The following SLC20A1 variants were observed in gnomAD, a reference collection of about 807,000 sequenced individuals.
The protein encoded by SLC20A1 is sodium-dependent phosphate transporter 1.
Under a neutral mutation model 62.7 loss-of-function variants are expected in SLC20A1, and 28 were observed. That is an observed-to-expected ratio of 0.45 (90% CI 0.33 to 0.61). The LOEUF is 0.61. Ranked by LOEUF, SLC20A1 falls within the 20% of genes least tolerant of loss-of-function variation. The pLI is 0.02. For synonymous variants in SLC20A1, 305 were observed against 302.9 expected (o/e 1.01, Z -0.07); for missense variants, 673 against 838.6 (o/e 0.80, Z 2.44).
rs774263051 is a variant in SLC20A1, at chr2:112,658,807, C to T, written c.779-18C>T. On this transcript the variant is annotated intron_variant, in intron 6 of 10. Transcript: ENST00000272542. ...TGGCCACAACCAAACCAAAAAAGACCCCCCTTTTTTTTCCTAGGAGAAATA... is the reference window on the plus strand; with the variant it reads ...TGGCCACAACCAAACCAAAAAAGACTCCCCTTTTTTTTCCTAGGAGAAATA... The T allele has an allele frequency of 1.9e-6, 3 of 1,580,142 alleles. No homozygotes were observed. The highest frequency in any genetic ancestry group is 2.6e-6 in the Non-Finnish European group (3 of 1,164,782).
At chr2:112,652,623 C>A in intron 4 of SLC20A1, 79 bp from the exon 5 acceptor site, 1 of 1,162,968 alleles carries the variant, frequency 8.6e-7, no homozygotes, top group Non-Finnish European at 1.3e-6. Flanking sequence ...AATTCCCAAA[C>A]CTACCCTGTT....
At position 112,663,757 on chromosome 2, in the gene SLC20A1, G is replaced by A. The variant is rs6793; in HGVS notation, c.*732G>A. Reference sequence around the variant, plus strand: ...GGAATGTGAACTTTGGGCAAGTTAAGTGGGACAGCCTTCCATGTTCATTTG... The same window carrying A: ...GGAATGTGAACTTTGGGCAAGTTAAATGGGACAGCCTTCCATGTTCATTTG... On this transcript the variant is annotated 3_prime_UTR_variant, in exon 11 of 11. Transcript: ENST00000272542. 0.79 allele frequency: 121,001 copies of A among 152,892 alleles called. 48,629 individuals carry two copies. The highest frequency in any genetic ancestry group is 1 in the East Asian group (5,183 of 5,194). 9.5% of individuals were successfully genotyped at this position (152,892 alleles called of 1,614,324 possible).
At chr2:112,653,096 G>C in intron 5 of SLC20A1, 1 of 511,384 alleles carries the variant, frequency 2.0e-6, no homozygotes, top group Non-Finnish European at 3.5e-6. Context: ...AAAAATGCTG[G>C]AATTAATACT....
intron 6 of SLC20A1, among the ~76,000 whole-genome samples, chr2:112,657,856 C>T (rs948623356): frequency 6.4e-4 from 98 of 152,324 alleles, no homozygotes; most frequent in African/African-American, 2.2e-3. Flanking sequence ...TCATTTAGGC[C>T]ATTACCACAC....
Position 112,647,702 on chromosome 2 carries a change from T to C in SLC20A1, c.525T>C (p.Ile175=). The change falls in exon 4 of 11, where the codon ATT becomes ATC. Residue 175 remains isoleucine (I), a synonymous_variant. Coordinates refer to ENST00000272542, the MANE Select transcript of SLC20A1 (RefSeq NM_005415.5). ...TGCTTTCTGGAATTATGTCTGGAAT[T>C]TTATTCTTCCTGGTTCGTGCATTCA... ...SPLLSGIMSG[I]LFFLVRAFIL... 6.2e-7 allele frequency: 1 copy of C among 1,614,176 alleles called. No homozygotes were observed. The highest frequency in any genetic ancestry group is 1.1e-5 in the South Asian group (1 of 91,086).
chr2:112,662,789 C>A, intron 10 of SLC20A1, 75 bp from the exon 11 acceptor site: 1 of 1,483,792 alleles, frequency 6.7e-7, no homozygotes, highest in South Asian at 1.2e-5. Flanking sequence ...CTTGTCCAAA[C>A]AGTCTCAGGT....
chr2:112,651,250 A>G (rs1481052384), intron 4 of SLC20A1, among the ~76,000 whole-genome samples: 1 of 152,050 alleles, frequency 6.6e-6, no homozygotes, highest in East Asian at 1.9e-4. Context: ...TTTCCAGTGT[A>G]TTGATTATTG....
At chr2:112,662,548 C>G (rs1686780335) in intron 10 of SLC20A1, among the ~76,000 whole-genome samples, 2 of 152,172 alleles carry the variant, frequency 1.3e-5, no homozygotes, top group South Asian at 4.1e-4. Flanking sequence ...CCACTGTACT[C>G]CAGCCTGGGC....
chr2:112,646,784 A>G lies in SLC20A1; in HGVS notation c.-45A>G. The G allele has an allele frequency of 7.3e-7, 1 of 1,373,712 alleles. No homozygotes were observed. Among genetic ancestry groups the G allele is most frequent in the Non-Finnish European group, 1.0e-6 (1 of 984,406 alleles). The allele number at this position is 1,373,712 out of a possible 1,614,324, so 85.1% of individuals were successfully genotyped here. A position where few individuals can be genotyped will look rare whatever the true frequency, so the allele number is the denominator to read the frequency against. ...CTCATATTCTGTTTACACATCTTGA[A>G]AGGCGCTCAGTAGTTCTCTTACTAA... On this transcript the variant is annotated 5_prime_UTR_variant, in exon 2 of 11. Coordinates refer to ENST00000272542, the MANE Select transcript of SLC20A1 (RefSeq NM_005415.5).
chr2:112,663,187 A>C lies in SLC20A1; in HGVS notation c.*162A>C. The C allele has an allele frequency of 1.2e-6, 1 of 853,412 alleles. No homozygotes were observed. The highest frequency in any genetic ancestry group is 2.0e-6 in the Non-Finnish European group (1 of 506,484). 52.9% of individuals were successfully genotyped at this position (853,412 alleles called of 1,614,324 possible). A position where few individuals can be genotyped will look rare whatever the true frequency, so the allele number is the denominator to read the frequency against. On this transcript the variant is annotated 3_prime_UTR_variant, in exon 11 of 11. Coordinates refer to ENST00000272542, the MANE Select transcript of SLC20A1 (RefSeq NM_005415.5). ...TTGTGCTATAACTGCTTTTGTGCTA[A>C]ATATGAATTGTCTCAAAATTAGCTG...
At position 112,659,238 on chromosome 2, in the gene SLC20A1, G is replaced by A. The variant is rs773597179; in HGVS notation, c.1083G>A (p.Gln361=). The part of the protein sequence containing the change: ...AVQLPNGNLV[Q]FSQAVSNQIN... ...AGTTGCCTAATGGGAACCTTGTCCA[G>A]TTCAGTCAAGCCGTCAGCAACCAAA... The change falls in exon 8 of 11, where the codon CAG becomes CAA. Residue 361 remains glutamine (Q), a synonymous_variant. Transcript: ENST00000272542. 6 of 1,614,112 alleles carry A rather than the reference G, an allele frequency of 3.7e-6. No individual in the cohort carries two copies. Among genetic ancestry groups the A allele is most frequent in the Non-Finnish European group, 5.1e-6 (6 of 1,180,022 alleles).
At chr2:112,652,545 C>G (rs774203999) in intron 4 of SLC20A1, 157 bp from the exon 5 acceptor site, 1 of 612,022 alleles carries the variant, frequency 1.6e-6, no homozygotes, top group East Asian at 2.8e-5. Context: ...AGGAAGAATT[C>G]CAGATGCAAA....
At chr2:112,653,558 A>G (rs972905117) in intron 5 of SLC20A1, among the ~76,000 whole-genome samples, 5 of 152,232 alleles carry the variant, frequency 3.3e-5, no homozygotes, top group South Asian at 2.1e-4. Context: ...GATGAAATAC[A>G]GGACACACAT....
At chr2:112,661,791 C>T (rs1012024868) in intron 10 of SLC20A1, among the ~76,000 whole-genome samples, 3 of 152,142 alleles carry the variant, frequency 2.0e-5, no homozygotes, top group Non-Finnish European at 4.4e-5. Flanking sequence ...TCAGGTGATC[C>T]ACCTGGCTCG....
chr2:112,647,940 G>C (rs186211114), intron 4 of SLC20A1, among the ~76,000 whole-genome samples: 4 of 152,292 alleles, frequency 2.6e-5, no homozygotes, highest in Admixed American at 6.5e-5. Flanking sequence ...AGTCAGGAAG[G>C]AAAAATTGAA....
chr2:112,654,262 G>A (rs190533732), intron 5 of SLC20A1, among the ~76,000 whole-genome samples: 2 of 152,240 alleles, frequency 1.3e-5, no homozygotes, highest in African/African-American at 2.4e-5. Flanking sequence ...GCTATGTGCC[G>A]GTGAAGAGAA....
At chr2:112,658,010 A>C (rs1034139981) in intron 6 of SLC20A1, among the ~76,000 whole-genome samples, 2 of 152,160 alleles carry the variant, frequency 1.3e-5, no homozygotes, top group African/African-American at 4.8e-5. Flanking sequence ...GGATGCATAG[A>C]CTGCAGTGGT....
rs1171456990 is a variant in SLC20A1, at chr2:112,646,827, G to C, written c.-2G>C. The C allele has an allele frequency of 9.4e-6, 15 of 1,602,680 alleles. No individual in the cohort carries two copies. Among genetic ancestry groups the C allele is most frequent in the Admixed American group, 5.1e-5 (3 of 58,974 alleles). On this transcript the variant is annotated 5_prime_UTR_variant, in exon 2 of 11. Coordinates refer to ENST00000272542, the MANE Select transcript of SLC20A1 (RefSeq NM_005415.5). ...CTTACTAAACAACCACTACTCCAGA[G>C]AATGGCAACGCTGATTACCAGTACT... is the stretch of plus-strand genomic sequence containing the variant.
chr2:112,646,848 G>C lies in SLC20A1; in HGVS notation c.20G>C (p.Ser7Thr), dbSNP rs771575416. 2 of 1,612,198 alleles carry C rather than the reference G, an allele frequency of 1.2e-6. No individual in the cohort carries two copies. The highest frequency in any genetic ancestry group is 3.3e-5 in the Admixed American group (2 of 59,858). ...CAGAGAATGGCAACGCTGATTACCA[G>C]TACTACAGCTGCTACCGCCGCTTCT... Reference protein sequence around the residue: MATLITSTTAATAASGP... With the variant: MATLITTTTAATAASGP... The change falls in exon 2 of 11, where the codon AGT becomes ACT. Residue 7 changes from serine (S) to threonine (T), a missense_variant. Physicochemically the swap from Ser to Thr is moderately conservative, Grantham distance 58. Coordinates refer to ENST00000272542, the MANE Select transcript of SLC20A1 (RefSeq NM_005415.5).
Sources: allele counts gnomAD v4.1 joint callset (sites outside exome capture counted in the v4.1 genomes callset), GRCh38; gene constraint gnomAD v4.1.1; transcripts MANE v1.5; gene names NCBI Gene and HGNC (gene_info 2026-07-23, HGNC 2026-07-21).